SPIDR: variants seen among roughly 807,000 people sequenced by gnomAD.
SPIDR encodes the protein scaffold protein involved in DNA repair, also known as DNA repair-scaffolding protein.
Under a neutral mutation model 104.6 loss-of-function variants are expected in SPIDR, and 93 were observed. The observed-to-expected ratio is 0.89, with a 90% CI of 0.75 to 1.06. The LOEUF (loss-of-function observed/expected upper bound fraction) is 1.06, where lower values mean the gene tolerates loss of function less well. SPIDR is among the 50% of genes least tolerant of loss of function. SPIDR has a pLI of 0.00. For missense variants in SPIDR, 1,154 were observed against 1,111.2 expected, an observed-to-expected ratio of 1.04 and a Z score of -0.55; for synonymous variants, 431 against 416.9, an observed-to-expected ratio of 1.03 and a Z score of -0.41.
intron 8 of SPIDR, among the ~76,000 whole-genome samples, chr8:47,471,816 A>T (rs1292086203): frequency 6.6e-6 from 1 of 152,206 alleles, no homozygotes; most frequent in Non-Finnish European, 1.5e-5. Flanking sequence ...TTCTAACCCA[A>T]ATTCATACTT....
At chr8:47,677,423 A>G (rs2076583107) in intron 11 of SPIDR, among the ~76,000 whole-genome samples, 1 of 152,238 alleles carries the variant, frequency 6.6e-6, no homozygotes, top group African/African-American at 2.4e-5. Flanking sequence ...GGAGTGGGGA[A>G]AGGAGACCTC....
intron 11 of SPIDR, among the ~76,000 whole-genome samples, chr8:47,674,504 G>GAA (rs771086635): frequency 6.8e-6 from 1 of 146,680 alleles, no homozygotes; most frequent in Non-Finnish European, 1.5e-5. Flanking sequence ...GAATTAGGGG[G>GAA]AAAAAAAAAA....
At chr8:47,547,256 G>A (rs116711932) in intron 8 of SPIDR, 23 of 608,438 alleles carry the variant, frequency 3.8e-5, no homozygotes, top group Admixed American at 2.1e-4. Flanking sequence ...GGTGTAACAC[G>A]ATGTACAGCA....
intron 10 of SPIDR, among the ~76,000 whole-genome samples, chr8:47,645,703 C>T (rs1281581785): frequency 6.6e-6 from 1 of 151,782 alleles, no homozygotes; most frequent in African/African-American, 2.4e-5. Flanking sequence ...TAGAGAGTCC[C>T]AAATATATAC....
At chr8:47,397,735 A>T (rs1554659449) in intron 6 of SPIDR, among the ~76,000 whole-genome samples, 1 of 152,162 alleles carries the variant, frequency 6.6e-6, no homozygotes, top group Admixed American at 6.5e-5. Context: ...AGGAGTGACG[A>T]CAGGGTCATG....
intron 5 of SPIDR, among the ~76,000 whole-genome samples, chr8:47,315,654 G>A (rs2045198854): frequency 6.6e-6 from 1 of 152,154 alleles, no homozygotes; most frequent in Admixed American, 6.5e-5. Flanking sequence ...TAATAATACA[G>A]TAATGAAGAC....
chr8:47,343,644 C>T (rs997641245), intron 5 of SPIDR, among the ~76,000 whole-genome samples: 3 of 152,108 alleles, frequency 2.0e-5, no homozygotes, highest in South Asian at 2.1e-4. Context: ...CAGAAAGCAG[C>T]GTGACATGGG....
intron 5 of SPIDR, among the ~76,000 whole-genome samples, chr8:47,386,938 T>C (rs150871761): frequency 0.026 from 3,905 of 149,502 alleles, 228 homozygotes; most frequent in African/African-American, 0.092. Context: ...GATATAGATA[T>C]AGATATAGAT....
At chr8:47,265,267 G>A (rs2033698641) in intron 1 of SPIDR, among the ~76,000 whole-genome samples, 1 of 145,170 alleles carries the variant, frequency 6.9e-6, no homozygotes, top group African/African-American at 2.6e-5. Flanking sequence ...ATGGCTCACT[G>A]CAGTCTTGAG....
At chr8:47,385,376 A>G (rs1554647569) in intron 5 of SPIDR, among the ~76,000 whole-genome samples, 1 of 152,246 alleles carries the variant, frequency 6.6e-6, no homozygotes, top group Non-Finnish European at 1.5e-5. Context: ...TACCATAACC[A>G]GCACTTGATT....
chr8:47,299,102 C>T (rs1229350309), intron 5 of SPIDR, among the ~76,000 whole-genome samples: 5 of 146,990 alleles, frequency 3.4e-5, no homozygotes, highest in African/African-American at 9.7e-5. Flanking sequence ...AATGTTCTTC[C>T]ATTTGTTTGT....
At chr8:47,730,747 T>C (rs1408758080) in intron 19 of SPIDR, among the ~76,000 whole-genome samples, 1 of 152,120 alleles carries the variant, frequency 6.6e-6, no homozygotes, top group East Asian at 1.9e-4. Flanking sequence ...ACCTGTCCTA[T>C]GGAGACTCCT....
At chr8:47,396,680 A>G in intron 6 of SPIDR, 54 bp downstream of exon 6, 2 of 1,489,780 alleles carry the variant, frequency 1.3e-6, no homozygotes, top group Non-Finnish European at 1.8e-6. Context: ...TTCTTTAAAA[A>G]CCCAAATATC....
intron 6 of SPIDR, among the ~76,000 whole-genome samples, chr8:47,397,542 A>G (rs782807502): frequency 7.2e-5 from 11 of 152,194 alleles, no homozygotes; most frequent in Non-Finnish European, 1.3e-4. Flanking sequence ...TGTAGGAAGC[A>G]TTGCCACAAA....
At chr8:47,705,334 G>T (rs2080925894) in intron 14 of SPIDR, among the ~76,000 whole-genome samples, 2 of 152,182 alleles carry the variant, frequency 1.3e-5, no homozygotes, top group South Asian at 4.1e-4. Context: ...CTTCCAGTGG[G>T]CATGTGTGCC....
chr8:47,335,321 A>T (rs2049484317), intron 5 of SPIDR, among the ~76,000 whole-genome samples: 1 of 152,158 alleles, frequency 6.6e-6, no homozygotes, highest in Admixed American at 6.5e-5. Context: ...AAGTGACTCA[A>T]TTTTTGTTCA....
At chr8:47,594,064 G>A (rs1347824969) in intron 8 of SPIDR, among the ~76,000 whole-genome samples, 1 of 151,822 alleles carries the variant, frequency 6.6e-6, no homozygotes. Flanking sequence ...GCAGGCCTGT[G>A]GGAGATCAAA....
At chr8:47,716,293 C>T (rs536979561) in intron 16 of SPIDR, among the ~76,000 whole-genome samples, 1 of 152,274 alleles carries the variant, frequency 6.6e-6, no homozygotes, top group East Asian at 1.9e-4. Context: ...GAATTCCGAG[C>T]GTAATGTCTA....
chr8:47,489,845 A>G (rs1217885600), intron 8 of SPIDR, among the ~76,000 whole-genome samples: 2 of 152,048 alleles, frequency 1.3e-5, no homozygotes, highest in African/African-American at 4.8e-5. Context: ...TTATACACCA[A>G]TTAATTCAAG....
Sources: gnomAD v4.1 joint callset for allele counts (sites outside exome capture counted in the v4.1 genomes callset) on GRCh38, gnomAD v4.1.1 for gene constraint, MANE v1.5 for transcripts, NCBI Gene and HGNC (gene_info 2026-07-23, HGNC 2026-07-21) for gene names.